Variants in CNTN6 observed in about 807,000 individuals in gnomAD.
The protein encoded by CNTN6 is contactin-6.
A neutral mutation model predicts 122.8 loss-of-function variants in CNTN6; 137 were observed. That is an observed-to-expected ratio of 1.12 (90% CI 0.97 to 1.29). CNTN6 has a LOEUF of 1.29. Among genes scored for constraint, CNTN6 ranks in the 50% most tolerant of loss-of-function variants. The pLI, the probability that CNTN6 is intolerant of heterozygous loss-of-function variation, is 0.00. For synonymous variants in CNTN6, 570 were observed against 426.0 expected (o/e 1.34, Z -4.16); for missense variants, 1,634 against 1,223.4 (o/e 1.34, Z -5.01).
intron 2 of CNTN6, among the ~76,000 whole-genome samples, chr3:1,213,624 A>T (rs754477587): frequency 3.9e-5 from 6 of 151,928 alleles, no homozygotes; most frequent in Non-Finnish European, 8.8e-5. Flanking sequence ...CCATCTTTCT[A>T]TATATATAAA....
chr3:1,100,846 G>A (rs1270815009), intron 1 of CNTN6, among the ~76,000 whole-genome samples: 1 of 152,002 alleles, frequency 6.6e-6, no homozygotes, highest in Non-Finnish European at 1.5e-5. Flanking sequence ...ATTTCAGTAA[G>A]TTTATTTTAG....
At chr3:1,122,482 G>A (rs547020073) in intron 1 of CNTN6, among the ~76,000 whole-genome samples, 21 of 149,818 alleles carry the variant, frequency 1.4e-4, no homozygotes, top group African/African-American at 4.8e-4. Context: ...GTTGTAAAGT[G>A]GACAATTCGG....
intron 1 of CNTN6, among the ~76,000 whole-genome samples, chr3:1,097,607 A>G (rs577998153): frequency 2.6e-5 from 4 of 152,312 alleles, no homozygotes; most frequent in African/African-American, 9.6e-5. Flanking sequence ...TATCTAGCAC[A>G]GAATAGCTCT....
At chr3:1,347,953 A>G (rs1048874378) in intron 11 of CNTN6, among the ~76,000 whole-genome samples, 3 of 151,856 alleles carry the variant, frequency 2.0e-5, no homozygotes, top group African/African-American at 4.8e-5. Context: ...AGTGTGATAA[A>G]ACAATTTCTT....
chr3:1,372,617 G>A, intron 13 of CNTN6, 143 bp downstream of exon 13: 2 of 789,090 alleles, frequency 2.5e-6, no homozygotes, highest in South Asian at 4.1e-5. Flanking sequence ...TTTTGTTTTG[G>A]TTTATTTTGT....
intron 2 of CNTN6, among the ~76,000 whole-genome samples, chr3:1,179,147 G>A (rs1032671): frequency 0.6 from 91,246 of 151,748 alleles, 28,507 homozygotes; most frequent in African/African-American, 0.77. Context: ...TATCAGGCTC[G>A]TTTTAAACAA....
At chr3:1,341,675 C>T (rs953636409) in intron 11 of CNTN6, among the ~76,000 whole-genome samples, 2 of 152,110 alleles carry the variant, frequency 1.3e-5, no homozygotes, top group African/African-American at 2.4e-5. Context: ...AAAGATCACA[C>T]TTAAATTTTT....
intron 15 of CNTN6, 66 bp downstream of exon 15, chr3:1,373,828 G>C: frequency 6.8e-7 from 1 of 1,475,492 alleles, no homozygotes; most frequent in Non-Finnish European, 9.0e-7. Context: ...TTTAATAAAT[G>C]CAATTACATT....
At chr3:1,376,501 AT>A (rs1709888674) in intron 16 of CNTN6, among the ~76,000 whole-genome samples, 1 of 152,138 alleles carries the variant, frequency 6.6e-6, no homozygotes, top group South Asian at 2.1e-4. Flanking sequence ...GAGATTTGAG[AT>A]TGTAACGAGG....
chr3:1,365,849 T>C (rs1384426605), intron 12 of CNTN6, among the ~76,000 whole-genome samples: 1 of 152,146 alleles, frequency 6.6e-6, no homozygotes, highest in Non-Finnish European at 1.5e-5. Flanking sequence ...CATCTTTCTT[T>C]CTTGAAGTAT....
intron 5 of CNTN6, among the ~76,000 whole-genome samples, chr3:1,282,372 A>G (rs902349861): frequency 1.3e-5 from 2 of 152,226 alleles, no homozygotes; most frequent in Admixed American, 6.5e-5. Context: ...TGCAAAAGAA[A>G]AATAACCTAA....
intron 4 of CNTN6, among the ~76,000 whole-genome samples, chr3:1,256,396 T>C (rs2094759541): frequency 6.6e-6 from 1 of 152,038 alleles, no homozygotes; most frequent in Non-Finnish European, 1.5e-5. Flanking sequence ...GGATGTGGGT[T>C]TTGAGAAAGA....
At chr3:1,185,245 G>A (rs59134172) in intron 2 of CNTN6, among the ~76,000 whole-genome samples, 26,089 of 151,992 alleles carry the variant, frequency 0.17, 2,748 homozygotes, top group East Asian at 0.24. Flanking sequence ...GGATTAAGGC[G>A]TTTCATAATT....
At chr3:1,281,563 C>G (rs945111986) in intron 5 of CNTN6, among the ~76,000 whole-genome samples, 2 of 151,160 alleles carry the variant, frequency 1.3e-5, no homozygotes, top group Non-Finnish European at 2.9e-5. Flanking sequence ...CTCCCAGATT[C>G]AAGGGATTCT....
intron 12 of CNTN6, among the ~76,000 whole-genome samples, chr3:1,363,451 T>A (rs567472513): frequency 1.3e-5 from 2 of 152,120 alleles, no homozygotes; most frequent in South Asian, 4.1e-4. Flanking sequence ...TGACCACCAT[T>A]CTAGTATCTA....
intron 19 of CNTN6, among the ~76,000 whole-genome samples, chr3:1,384,207 C>T (rs1006068391): frequency 2.0e-5 from 3 of 152,128 alleles, no homozygotes; most frequent in African/African-American, 7.2e-5. Context: ...GAGGACAGAT[C>T]TCATATTAAG....
intron 6 of CNTN6, 41 bp downstream of exon 6, chr3:1,295,845 G>T (rs778884391): frequency 1.2e-4 from 181 of 1,552,956 alleles, no homozygotes; most frequent in Admixed American, 4.2e-4. Flanking sequence ...TTTATCTTTG[G>T]CCCTTAAAGC....
chr3:1,387,520 T>TTGAC (rs1247422319), intron 20 of CNTN6, among the ~76,000 whole-genome samples: 1 of 152,224 alleles, frequency 6.6e-6, no homozygotes, highest in African/African-American at 2.4e-5. Context: ...TTAGTTCTAG[T>TTGAC]TGACTGAGAG....
intron 2 of CNTN6, among the ~76,000 whole-genome samples, chr3:1,148,684 T>C (rs928442432): frequency 2.0e-5 from 3 of 152,184 alleles, no homozygotes; most frequent in Non-Finnish European, 4.4e-5. Flanking sequence ...CCACGCCAAA[T>C]GTGAGTGTAA....
Sources: gnomAD v4.1 joint callset for allele counts (sites outside exome capture counted in the v4.1 genomes callset) on GRCh38, gnomAD v4.1.1 for gene constraint, MANE v1.5 for transcripts, NCBI Gene and HGNC (gene_info 2026-07-23, HGNC 2026-07-21) for gene names.